SLC6A19: variants seen among roughly 807,000 people sequenced by gnomAD.
The protein encoded by SLC6A19 is sodium-dependent neutral amino acid transporter B(0)AT1.
A neutral mutation model predicts 68.3 loss-of-function variants in SLC6A19; 67 were observed. The observed-to-expected ratio is 0.98, with a 90% CI of 0.81 to 1.20. The LOEUF is 1.20. Ranked by LOEUF, SLC6A19 falls within the 50% of genes most tolerant of loss-of-function variation. The probability of loss-of-function intolerance (pLI) is 0.00; values close to 1 mark genes in which losing one functional copy is unlikely to be tolerated. For synonymous variants in SLC6A19, 392 were observed against 374.9 expected (o/e 1.05, Z -0.53); for missense variants, 813 against 851.6 (o/e 0.95, Z 0.56).
Position 1,208,194 on chromosome 5 carries a change from C to G in SLC6A19, c.203-552C>G, listed in dbSNP as rs570199826. Among the ~76,000 whole-genome samples the G allele has an allele frequency of 5.3e-5, 8 of 152,268 alleles. No individual in the cohort carries two copies. In the East Asian group the frequency reaches 1.5e-3, roughly 29 times the overall value. On this transcript the variant is annotated intron_variant, in intron 1 of 11. Transcript: ENST00000304460. ...AGAACCAAAACGGTCCCCATTAAACCCTAATTCCCCACTGAGGCCACACAC... is the reference window on the plus strand; with the variant it reads ...AGAACCAAAACGGTCCCCATTAAACGCTAATTCCCCACTGAGGCCACACAC...
Position 1,218,962 on chromosome 5 carries a change from G to C in SLC6A19, c.1233G>C (p.Pro411=), listed in dbSNP as rs1388724771. The C allele has an allele frequency of 5.0e-6, 8 of 1,614,082 alleles. No individual in the cohort carries two copies. The East Asian group carries it at 1.6e-4, about 31-fold the overall frequency. Residue 411 remains proline, a synonymous_variant, in exon 9 of 12, where the codon CCG becomes CCC. Transcript: ENST00000304460. The part of the protein sequence containing the change: ...IVFTEAITKM[P]LSPLWSVLFF... ...TCACCGAGGCCATCACCAAGATGCC[G>C]TTGTCCCCACTGTGGTCTGTGCTCT...
chr5:1,204,504 C>A (rs1745798782), intron 1 of SLC6A19, among the ~76,000 whole-genome samples: 2 of 152,216 alleles, frequency 1.3e-5, no homozygotes, highest in South Asian at 4.1e-4. Flanking sequence ...ACCCCACTCA[C>A]CCCCACCTGG....
In SLC6A19 at chr5:1,209,371, T is replaced by A. The variant is rs1745955304; in HGVS notation, c.343+485T>A. ...GACACGGCTCATTAAGCCCTCAGAA[T>A]ATGGGCAGACGGTGAAAGACGGAGG... On this transcript the variant is annotated intron_variant, in intron 2 of 11. Transcript: ENST00000304460. This position sits in a 1 kb window ranked among gnomAD's most constrained non-coding sequence, Gnocchi z 5.5. 6.6e-6 allele frequency among the ~76,000 whole-genome samples: 1 copy of A among 151,994 alleles called. No individual in the cohort carries two copies. Among genetic ancestry groups the A allele is most frequent in the African/African-American group, 2.4e-5 (1 of 41,392 alleles).
At position 1,210,473 on chromosome 5, in the gene SLC6A19, G is replaced by A. The variant is rs766877452; in HGVS notation, c.373G>A (p.Val125Met). 5.2e-5 allele frequency: 84 copies of A among 1,613,270 alleles called. No individual in the cohort carries two copies. Among genetic ancestry groups the A allele is most frequent in the Non-Finnish European group, 6.6e-5 (78 of 1,180,046 alleles). Residue 125 changes from valine to methionine, a missense_variant, in exon 3 of 12, where the codon GTG (valine) becomes ATG (methionine). Physicochemically the swap from Val to Met is conservative, Grantham distance 21 (BLOSUM62 1). Coordinates refer to ENST00000304460, the MANE Select transcript of SLC6A19 (RefSeq NM_001003841.3). ...GLASMLTSFM[V>M]GLYYNTIISW... ...GGCCTCCATGCTCACGTCCTTCATG[G>A]TGGGACTGTATTACAACACCATCAT... is the stretch of plus-strand genomic sequence containing the variant.
Position 1,222,197 on chromosome 5 carries a change from G to T in SLC6A19, c.*293G>T. The T allele has an allele frequency of 1.7e-6, 1 of 591,860 alleles. No homozygotes were observed. The highest frequency in any genetic ancestry group is 2.1e-5 in the South Asian group (1 of 48,300). 36.7% of individuals were successfully genotyped at this position (591,860 alleles called of 1,614,324 possible). A position where few individuals can be genotyped will look rare whatever the true frequency, so the allele number is the denominator to read the frequency against. On this transcript the variant is annotated 3_prime_UTR_variant, in exon 12 of 12. Transcript: ENST00000304460. ...TGCAGATGTGTCATGTTGTGTGTGT[G>T]CATGTACATGTATGGACATTGTGTG... is the stretch of plus-strand genomic sequence containing the variant.
intron 1 of SLC6A19, among the ~76,000 whole-genome samples, chr5:1,203,738 T>C (rs1004902581): frequency 2.0e-5 from 3 of 152,168 alleles, no homozygotes; most frequent in African/African-American, 7.2e-5. Context: ...GGACCCCACA[T>C]ACCAGACCAC....
chr5:1,222,104 AGT>A lies in SLC6A19; in HGVS notation c.*204_*205del. 1 of 628,206 alleles carries A rather than the reference AGT, an allele frequency of 1.6e-6. No homozygotes were observed. Among genetic ancestry groups the A allele is most frequent in the Non-Finnish European group, 2.8e-6 (1 of 356,780 alleles). 38.9% of individuals were successfully genotyped at this position (628,206 alleles called of 1,614,324 possible). A position where few individuals can be genotyped will look rare whatever the true frequency, so the allele number is the denominator to read the frequency against. On this transcript the variant is annotated 3_prime_UTR_variant, in exon 12 of 12. Coordinates refer to ENST00000304460, the MANE Select transcript of SLC6A19 (RefSeq NM_001003841.3). ...CATGTACATGCATGGGCACTGTGTG[AGT>A]GTGCACGTGTATGCACACATATACA...
Position 1,214,041 on chromosome 5 carries a change from CCTT to C in SLC6A19, c.866_868del (p.Phe289del), listed in dbSNP as rs941005472. 11 of 1,613,778 alleles carry C rather than the reference CCTT, an allele frequency of 6.8e-6. No individual in the cohort carries two copies. Among genetic ancestry groups the C allele is most frequent in the African/African-American group, 1.3e-5 (1 of 74,932 alleles). Reference sequence around the variant, plus strand: ...TCCCTGGCCTTCGGGGGCCTCATCTCCTTCTCCAGCTACAACTCTGTGCAGTGA... The same window carrying C: ...TCCCTGGCCTTCGGGGGCCTCATCTCCTCCAGCTACAACTCTGTGCAGTGA... On this transcript the variant is annotated inframe_deletion, in exon 6 of 12. Transcript: ENST00000304460. This position sits in a 1 kb window ranked among gnomAD's most constrained non-coding sequence, Gnocchi z 7.4.
Position 1,221,735 on chromosome 5 carries a change from C to A in SLC6A19, c.1736C>A (p.Pro579Gln). Residue 579 changes from proline to glutamine, a missense_variant, in exon 12 of 12, where the codon CCG becomes CAG. Physicochemically the swap from Pro to Gln is moderately conservative, Grantham distance 76. Coordinates refer to ENST00000304460, the MANE Select transcript of SLC6A19 (RefSeq NM_001003841.3). ...EFPKSQKISY[P>Q]NWVYVVVVIV... ...CCCAAATCCCAGAAGATCTCCTACC[C>A]GAACTGGGTGTATGTGGTGGTGGTG... 1 of 1,614,070 alleles carries A rather than the reference C, an allele frequency of 6.2e-7. No individual in the cohort carries two copies. Among genetic ancestry groups the A allele is most frequent in the Non-Finnish European group, 8.5e-7 (1 of 1,179,938 alleles).
rs1746213518 is a variant in SLC6A19 at position 1,216,564 on chromosome 5, C to G, written c.894C>G (p.Asn298Lys). 3 of 1,614,034 alleles carry G rather than the reference C, an allele frequency of 1.9e-6. No homozygotes were observed. The highest frequency in any genetic ancestry group is 3.3e-5 in the Admixed American group (2 of 60,014). ...ACACTGGTCTCGTCTGCAGCAACAA[C>G]TGCGAGAAGGACTCGGTGATTGTGT... ...SFSSYNSVHN[N>K]CEKDSVIVSI... The change falls in exon 7 of 12, where the codon AAC (asparagine) becomes AAG (lysine). Residue 298 changes from asparagine (N) to lysine (K), a missense_variant. Coordinates refer to ENST00000304460, the MANE Select transcript of SLC6A19 (RefSeq NM_001003841.3).
At chr5:1,210,673 C>A (rs1385041379) in intron 3 of SLC6A19, 92 bp downstream of exon 3, 10 of 1,574,062 alleles carry the variant, frequency 6.4e-6, no homozygotes, top group Admixed American at 5.2e-5. Flanking sequence ...TCAGGTCAGG[C>A]GTGGCAGAAA....
rs1381806997 is a variant in SLC6A19 at position 1,222,030 on chromosome 5, T to C, written c.*126T>C. The C allele has an allele frequency of 3.8e-6, 4 of 1,064,560 alleles. No homozygotes were observed. The highest frequency in any genetic ancestry group is 1.5e-5 in the South Asian group (1 of 66,590). 65.9% of individuals were successfully genotyped at this position (1,064,560 alleles called of 1,614,324 possible). On this transcript the variant is annotated 3_prime_UTR_variant, in exon 12 of 12. Transcript: ENST00000304460. Reference sequence around the variant, plus strand: ...GTGAGTGTATGCTCGTGTGTGAGTGTGTGTATTGTACACGCATGTGCCATG... The same window carrying C: ...GTGAGTGTATGCTCGTGTGTGAGTGCGTGTATTGTACACGCATGTGCCATG...
intron 1 of SLC6A19, among the ~76,000 whole-genome samples, chr5:1,202,564 C>T (rs1013837219): frequency 2.0e-5 from 3 of 152,220 alleles, no homozygotes; most frequent in African/African-American, 7.2e-5. Context: ...CACACTTGAA[C>T]TCAGCCTTGG....
In SLC6A19 at chr5:1,216,429, C is replaced by T. The variant is rs561888516; in HGVS notation, c.888-129C>T. On this transcript the variant is annotated intron_variant, in intron 6 of 11. Coordinates refer to ENST00000304460, the MANE Select transcript of SLC6A19 (RefSeq NM_001003841.3). ...GGGGCAGGGGCTCCGACTGCCTCCCCGTGTCACTCAGTGGCTCAGCCTCTC... is the reference window on the plus strand; with the variant it reads ...GGGGCAGGGGCTCCGACTGCCTCCCTGTGTCACTCAGTGGCTCAGCCTCTC... 3.7e-3 allele frequency: 5,127 copies of T among 1,371,588 alleles called. 40 individuals carry two copies. Among genetic ancestry groups the T allele is most frequent in the Non-Finnish European group, 3.2e-3 (3,177 of 982,874 alleles). 85.0% of individuals were successfully genotyped at this position (1,371,588 alleles called of 1,614,324 possible).
In SLC6A19 at chr5:1,213,917, G is replaced by T. The variant is rs1292728306; in HGVS notation, c.775-36G>T. 1.9e-6 allele frequency: 3 copies of T among 1,610,538 alleles called. No individual in the cohort carries two copies. In the East Asian group the frequency reaches 6.7e-5, roughly 36 times the overall value. ...CTCCCAGGTCCCCATGGCCCCATCT[G>T]CACCATGAGTGGCTGAGGGTCTCCA... On this transcript the variant is annotated intron_variant, in intron 5 of 11. Transcript: ENST00000304460.
intron 8 of SLC6A19, among the ~76,000 whole-genome samples, 170 bp from the exon 9 acceptor site, chr5:1,218,733 G>A (rs751664328): frequency 1.3e-5 from 2 of 152,196 alleles, no homozygotes; most frequent in Non-Finnish European, 2.9e-5. Flanking sequence ...TGCATAGTTC[G>A]GCTTTTGAAA....
Position 1,222,134 on chromosome 5 carries a change from T to C in SLC6A19, c.*230T>C, listed in dbSNP as rs952954020. 9 of 605,160 alleles carry C rather than the reference T, an allele frequency of 1.5e-5. No homozygotes were observed. Among genetic ancestry groups the C allele is most frequent in the East Asian group, 2.8e-5 (1 of 36,346 alleles). The allele number at this position is 605,160 out of a possible 1,614,324, so 37.5% of individuals were successfully genotyped here. On this transcript the variant is annotated 3_prime_UTR_variant, in exon 12 of 12. Transcript: ENST00000304460. Reference sequence around the variant, plus strand: ...GCACGTGTATGCACACATATACATGTGTGTGGGTGTGTGTATTGTATGTGC... The same window carrying C: ...GCACGTGTATGCACACATATACATGCGTGTGGGTGTGTGTATTGTATGTGC...
At chr5:1,217,451 A>C (rs932528585) in intron 8 of SLC6A19, among the ~76,000 whole-genome samples, 1 of 152,250 alleles carries the variant, frequency 6.6e-6, no homozygotes, top group African/African-American at 2.4e-5. Context: ...ATGCTGTTAC[A>C]ATTAAAGGTC....
In SLC6A19 at chr5:1,201,743, C is replaced by T; in HGVS notation, c.93C>T (p.Ser31=). 2 of 1,612,740 alleles carry T rather than the reference C, an allele frequency of 1.2e-6. No homozygotes were observed. Among genetic ancestry groups the T allele is most frequent in the Non-Finnish European group, 1.7e-6 (2 of 1,179,894 alleles). Residue 31 remains serine (S), a synonymous_variant, in exon 1 of 12, where the codon TCC becomes TCT. Transcript: ENST00000304460. ...LETIEQEEAS[S]RPKWDNKAQY... ...CCATCGAGCAGGAGGAGGCCAGCTC[C>T]CGGCCGAAGTGGGACAACAAGGCGC...
Sources: allele counts gnomAD v4.1 joint callset (sites outside exome capture counted in the v4.1 genomes callset), GRCh38; gene constraint gnomAD v4.1.1; non-coding constraint Gnocchi (gnomAD v3.1); transcripts MANE v1.5; gene names NCBI Gene and HGNC (gene_info 2026-07-23, HGNC 2026-07-21).